The following CSMD1 variants were observed in gnomAD, a reference collection of about 807,000 sequenced individuals.
CSMD1 encodes the protein CUB and sushi domain-containing protein 1.
A neutral mutation model predicts 417.5 loss-of-function variants in CSMD1; 213 were observed. The ratio of observed to expected loss-of-function variants is 0.51; its 90% CI spans 0.46 to 0.57. The LOEUF (loss-of-function observed/expected upper bound fraction) is 0.57, where lower values mean the gene tolerates loss of function less well. Among genes scored for constraint, CSMD1 ranks in the 20% least tolerant of loss-of-function variants. The probability of loss-of-function intolerance (pLI) is 0.00; values close to 1 mark genes in which losing one functional copy is unlikely to be tolerated. For missense variants in CSMD1, 6,923 were observed against 4,529.7 expected, an observed-to-expected ratio of 1.53 and a Z score of -15.17; for synonymous variants, 2,862 against 1,736.8, an observed-to-expected ratio of 1.65 and a Z score of -16.11.
intron 5 of CSMD1, among the ~76,000 whole-genome samples, chr8:3,967,680 G>A (rs1319134050): frequency 1.3e-5 from 2 of 152,026 alleles, no homozygotes; most frequent in Non-Finnish European, 2.9e-5. Context: ...AATACGTGCT[G>A]GGGTGAGCTT....
chr8:4,987,398 G>T (rs1037850389), intron 1 of CSMD1, among the ~76,000 whole-genome samples: 1 of 152,150 alleles, frequency 6.6e-6, no homozygotes, highest in Non-Finnish European at 1.5e-5. Context: ...CAACACTTTA[G>T]GAAAACGCTC....
At chr8:4,141,280 T>G (rs1392028025) in intron 3 of CSMD1, among the ~76,000 whole-genome samples, 2 of 151,108 alleles carry the variant, frequency 1.3e-5, no homozygotes, top group East Asian at 3.9e-4. Context: ...GACCTTCAGG[T>G]AGTGAAAAAT....
intron 54 of CSMD1, among the ~76,000 whole-genome samples, chr8:2,989,034 T>C (rs1181221050): frequency 6.6e-6 from 1 of 152,204 alleles, no homozygotes. Context: ...CACTTGAGAA[T>C]CTTAGGAAGT....
intron 2 of CSMD1, among the ~76,000 whole-genome samples, chr8:4,476,090 T>G (rs1193006191): frequency 2.0e-5 from 3 of 151,856 alleles, no homozygotes; most frequent in African/African-American, 7.2e-5. Flanking sequence ...TTATATATAT[T>G]TAATACATAA....
chr8:2,999,156 T>C (rs1158147312), intron 53 of CSMD1, among the ~76,000 whole-genome samples: 4 of 29,472 alleles, frequency 1.4e-4, no homozygotes, highest in African/African-American at 2.0e-4. Flanking sequence ...TTTTTTCCCT[T>C]TTTTTTTTTT....
chr8:3,250,428 T>G (rs1026280851), intron 26 of CSMD1, among the ~76,000 whole-genome samples: 9 of 152,366 alleles, frequency 5.9e-5, no homozygotes, highest in African/African-American at 2.2e-4. Context: ...ATGGTATATA[T>G]GTGCCACATT....
intron 3 of CSMD1, among the ~76,000 whole-genome samples, chr8:4,224,315 C>G (rs1801217304): frequency 1.3e-5 from 2 of 152,148 alleles, no homozygotes; most frequent in Non-Finnish European, 2.9e-5. Context: ...GATATTTTAA[C>G]CAGTCCAAGA....
At chr8:4,048,784 T>C (rs1798277392) in intron 3 of CSMD1, among the ~76,000 whole-genome samples, 1 of 152,196 alleles carries the variant, frequency 6.6e-6, no homozygotes, top group Non-Finnish European at 1.5e-5. Context: ...GTTACATGAA[T>C]GTTATTATAC....
intron 11 of CSMD1, among the ~76,000 whole-genome samples, chr8:3,471,625 CCT>C (rs1257954695): frequency 6.8e-6 from 1 of 146,664 alleles, no homozygotes; most frequent in Non-Finnish European, 1.5e-5. Flanking sequence ...TCCTTCCCTC[CCT>C]CTCTCCCTCC....
chr8:4,659,961 G>A (rs1306114766), intron 1 of CSMD1, among the ~76,000 whole-genome samples: 1 of 151,840 alleles, frequency 6.6e-6, no homozygotes, highest in Non-Finnish European at 1.5e-5. Flanking sequence ...TAGGAATGAA[G>A]AAGAATTTCC....
chr8:3,592,030 T>G (rs111986962), intron 8 of CSMD1, among the ~76,000 whole-genome samples: 1 of 152,016 alleles, frequency 6.6e-6, no homozygotes, highest in East Asian at 1.9e-4. Flanking sequence ...GATACATAAA[T>G]AGATGACAGA....
chr8:3,772,944 G>C (rs973184659), intron 5 of CSMD1, among the ~76,000 whole-genome samples: 1 of 152,032 alleles, frequency 6.6e-6, no homozygotes, highest in Non-Finnish European at 1.5e-5. Context: ...TCTGGGGTCT[G>C]GAGGTTCACT....
chr8:3,937,422 C>G (rs576260575), intron 5 of CSMD1, among the ~76,000 whole-genome samples: 7 of 152,158 alleles, frequency 4.6e-5, no homozygotes, highest in Non-Finnish European at 1.0e-4. Context: ...CACCTCAATT[C>G]TCAGCAACTA....
At chr8:3,882,426 G>C (rs995158590) in intron 5 of CSMD1, among the ~76,000 whole-genome samples, 2 of 152,172 alleles carry the variant, frequency 1.3e-5, no homozygotes, top group African/African-American at 4.8e-5. Context: ...TGGTTATGTG[G>C]AGCAACTGGA....
intron 15 of CSMD1, among the ~76,000 whole-genome samples, chr8:3,401,992 A>G (rs2116879808): frequency 6.6e-6 from 1 of 152,192 alleles, no homozygotes; most frequent in South Asian, 2.1e-4. Context: ...ACAGTGATGA[A>G]TTCCCTGATA....
At chr8:4,212,102 C>A (rs1293040862) in intron 3 of CSMD1, among the ~76,000 whole-genome samples, 1 of 151,714 alleles carries the variant, frequency 6.6e-6, no homozygotes, top group Admixed American at 6.6e-5. Context: ...ACGTAAAAGT[C>A]ATGATTTCAA....
At chr8:4,201,148 T>A (rs1799621452) in intron 3 of CSMD1, among the ~76,000 whole-genome samples, 1 of 152,172 alleles carries the variant, frequency 6.6e-6, no homozygotes, top group African/African-American at 2.4e-5. Context: ...TTTGTAGAAT[T>A]AAAATGACTA....
chr8:3,877,964 GT>G lies in CSMD1; in HGVS notation c.818+119938del, dbSNP rs879499741. Among the ~76,000 whole-genome samples the G allele has an allele frequency of 5.4e-3, 786 of 145,812 alleles. 4 individuals carry two copies. Among genetic ancestry groups the G allele is most frequent in the African/African-American group, 0.016 (653 of 39,894 alleles). ...TTTGTCTACATCAAGGTCATGCAAA[GT>G]TTTTTTTTTTTTAAACTTAAACTGA... On this transcript the variant is annotated intron_variant, in intron 5 of 69. Transcript: ENST00000635120.
At chr8:4,208,168 G>A (rs539837081) in intron 3 of CSMD1, among the ~76,000 whole-genome samples, 1 of 152,216 alleles carries the variant, frequency 6.6e-6, no homozygotes, top group South Asian at 2.1e-4. Flanking sequence ...TGGAGGCTAA[G>A]GTGTTAGAAA....
Sources: gnomAD v4.1 joint callset for allele counts (sites outside exome capture counted in the v4.1 genomes callset) on GRCh38, gnomAD v4.1.1 for gene constraint, MANE v1.5 for transcripts, NCBI Gene and HGNC (gene_info 2026-07-23, HGNC 2026-07-21) for gene names.